PLEKHM3: variants seen among roughly 807,000 people sequenced by gnomAD.
PLEKHM3 encodes the protein pleckstrin homology domain-containing family M member 3.
Under a neutral mutation model 81.8 loss-of-function variants are expected in PLEKHM3, and 45 were observed. That is an observed-to-expected ratio of 0.55 (90% CI 0.43 to 0.71). The LOEUF (loss-of-function observed/expected upper bound fraction) is 0.71. Ranked by LOEUF, PLEKHM3 falls within the 30% of genes least tolerant of loss-of-function variation. PLEKHM3 has a pLI of 0.00. For synonymous variants in PLEKHM3, 352 were observed against 356.4 expected (o/e 0.99, Z 0.14); for missense variants, 788 against 924.3 (o/e 0.85, Z 1.91).
intron 5 of PLEKHM3, among the ~76,000 whole-genome samples, chr2:207,910,321 T>G (rs1688771994): frequency 6.6e-6 from 1 of 152,212 alleles, no homozygotes; most frequent in African/African-American, 2.4e-5. Context: ...GGAGGGACCA[T>G]GAGATGTAAT....
At chr2:207,842,658 C>T (rs545854754) in intron 7 of PLEKHM3, among the ~76,000 whole-genome samples, 3 of 152,250 alleles carry the variant, frequency 2.0e-5, no homozygotes, top group East Asian at 3.9e-4. Flanking sequence ...TGAGAACATT[C>T]GTTGGAACTT....
At chr2:207,849,829 T>C (rs955654978) in intron 7 of PLEKHM3, among the ~76,000 whole-genome samples, 8 of 152,240 alleles carry the variant, frequency 5.3e-5, no homozygotes, top group Non-Finnish European at 7.3e-5. Flanking sequence ...TGAATGCATA[T>C]ATACTTAGGC....
At chr2:207,846,148 GT>G (rs1429305478) in intron 7 of PLEKHM3, among the ~76,000 whole-genome samples, 2 of 151,998 alleles carry the variant, frequency 1.3e-5, no homozygotes, top group African/African-American at 4.8e-5. Flanking sequence ...TGATCTTTTT[GT>G]TTTTTGTTTT....
At chr2:208,009,553 CAAT>C (rs372058428) in intron 1 of PLEKHM3, among the ~76,000 whole-genome samples, 18 of 152,284 alleles carry the variant, frequency 1.2e-4, no homozygotes, top group African/African-American at 4.3e-4. Context: ...CCAAAATGTA[CAAT>C]GTGAGTACTA....
At chr2:207,849,785 T>C (rs1420689553) in intron 7 of PLEKHM3, among the ~76,000 whole-genome samples, 1 of 152,206 alleles carries the variant, frequency 6.6e-6, no homozygotes, top group African/African-American at 2.4e-5. Context: ...CCTTAACTAA[T>C]TAGTTTATTT....
At chr2:207,918,938 G>A (rs1689091424) in intron 5 of PLEKHM3, among the ~76,000 whole-genome samples, 1 of 152,116 alleles carries the variant, frequency 6.6e-6, no homozygotes. Context: ...GATGGAAACA[G>A]ACAAAATAAA....
At chr2:207,842,095 G>A (rs1336393097) in intron 7 of PLEKHM3, among the ~76,000 whole-genome samples, 2 of 152,040 alleles carry the variant, frequency 1.3e-5, no homozygotes, top group Admixed American at 6.6e-5. Context: ...ACGCCACCAC[G>A]CCCAGCTAAT....
Position 207,940,388 on chromosome 2 carries a change from T to C in PLEKHM3, c.1692+5979A>G, listed in dbSNP as rs534534776. 4.6e-5 allele frequency among the ~76,000 whole-genome samples: 7 copies of C among 152,358 alleles called. No individual in the cohort carries two copies. In the South Asian group the frequency reaches 1.2e-3, roughly 27 times the overall value. The stretch of plus-strand genomic sequence containing the variant: ...TATGTGCTAGGCACTGTTCTAATCA[T>C]GACACATGCATTAACCCATTTACCC... On this transcript the variant is annotated intron_variant, in intron 4 of 7. Coordinates refer to ENST00000427836, the MANE Select transcript of PLEKHM3 (RefSeq NM_001080475.3).
At chr2:207,891,395 T>C (rs1394992726) in intron 6 of PLEKHM3, among the ~76,000 whole-genome samples, 4 of 152,230 alleles carry the variant, frequency 2.6e-5, no homozygotes, top group Admixed American at 2.0e-4. Flanking sequence ...GGGAGTTTAA[T>C]TGTCCTCATT....
chr2:207,912,102 C>T (rs1688828375), intron 5 of PLEKHM3, among the ~76,000 whole-genome samples: 1 of 152,170 alleles, frequency 6.6e-6, no homozygotes, highest in Non-Finnish European at 1.5e-5. Context: ...GAGATAGATA[C>T]TTCAATGAAT....
intron 2 of PLEKHM3, among the ~76,000 whole-genome samples, chr2:207,981,221 G>A (rs1691513879): frequency 6.6e-6 from 1 of 152,042 alleles, no homozygotes; most frequent in Non-Finnish European, 1.5e-5. Context: ...ATTCCTCTCT[G>A]GAGGATCTGT....
At chr2:207,902,506 G>A (rs544144714) in intron 6 of PLEKHM3, among the ~76,000 whole-genome samples, 61 of 152,224 alleles carry the variant, frequency 4.0e-4, no homozygotes, top group African/African-American at 1.2e-3. Flanking sequence ...GAGGTCACAC[G>A]GATGACAATT....
chr2:207,883,945 T>C (rs1356570098), intron 6 of PLEKHM3, among the ~76,000 whole-genome samples: 4 of 152,158 alleles, frequency 2.6e-5, no homozygotes, highest in Non-Finnish European at 5.9e-5. Flanking sequence ...AAAAGCCATA[T>C]GATCATCTCA....
intron 7 of PLEKHM3, among the ~76,000 whole-genome samples, chr2:207,841,104 G>A (rs2092348721): frequency 6.6e-6 from 1 of 151,696 alleles, no homozygotes; most frequent in Admixed American, 6.6e-5. Flanking sequence ...CAGACGCCCG[G>A]ACAACTCTTT....
chr2:207,951,855 C>G (rs970027419), intron 3 of PLEKHM3, among the ~76,000 whole-genome samples: 6 of 152,196 alleles, frequency 3.9e-5, no homozygotes, highest in East Asian at 1.9e-4. Flanking sequence ...TTTCTCTCTA[C>G]TTTACGACTA....
rs578135590 is a variant in PLEKHM3 at position 207,981,288 on chromosome 2, T to C, written c.611-3702A>G. On this transcript the variant is annotated intron_variant, in intron 2 of 7. Coordinates refer to ENST00000427836, the MANE Select transcript of PLEKHM3 (RefSeq NM_001080475.3). ...GATATAAAAGTTATATATCTGATCA[T>C]AAAGGGCTAGAGAACTACCATCTCT... Among the ~76,000 whole-genome samples the C allele has an allele frequency of 1.8e-3, 278 of 152,236 alleles. 1 individual carries two copies. Among genetic ancestry groups the C allele is most frequent in the African/African-American group, 6.4e-3 (264 of 41,550 alleles).
At chr2:207,913,589 T>A (rs1335305492) in intron 5 of PLEKHM3, among the ~76,000 whole-genome samples, 1 of 152,036 alleles carries the variant, frequency 6.6e-6, no homozygotes, top group African/African-American at 2.4e-5. Flanking sequence ...GACCTCAGAC[T>A]GGGTGGTTTC....
chr2:207,929,296 TGAGTA>T (rs1339598076), intron 5 of PLEKHM3, among the ~76,000 whole-genome samples: 2 of 152,322 alleles, frequency 1.3e-5, no homozygotes, highest in Admixed American at 1.3e-4. Flanking sequence ...CTGCTGGAAT[TGAGTA>T]GAGATTCTTA....
chr2:207,946,689 C>T (rs1690143078), intron 3 of PLEKHM3, among the ~76,000 whole-genome samples, 177 bp from the exon 4 acceptor site: 1 of 152,226 alleles, frequency 6.6e-6, no homozygotes, highest in Non-Finnish European at 1.5e-5. Flanking sequence ...CCTAGTCTGA[C>T]AGCCTGTCCC....
Sources: allele counts gnomAD v4.1 joint callset (sites outside exome capture counted in the v4.1 genomes callset), GRCh38; gene constraint gnomAD v4.1.1; transcripts MANE v1.5; gene names NCBI Gene and HGNC (gene_info 2026-07-23, HGNC 2026-07-21).